The following CCDC178 variants were observed in gnomAD, a reference collection of about 807,000 sequenced individuals.
The protein encoded by CCDC178 is coiled-coil domain containing 178.
Under a neutral mutation model 117.4 loss-of-function variants are expected in CCDC178, and 126 were observed. The ratio of observed to expected loss-of-function variants is 1.07; its 90% CI spans 0.93 to 1.24. The LOEUF is 1.24. Ranked by LOEUF, CCDC178 falls within the 50% of genes most tolerant of loss-of-function variation. The pLI, the probability that CCDC178 is intolerant of heterozygous loss-of-function variation, is 0.00. For synonymous variants in CCDC178, 283 were observed against 313.4 expected, an observed-to-expected ratio of 0.90 and a Z score of 1.02; for missense variants, 1,030 against 986.9, an observed-to-expected ratio of 1.04 and a Z score of -0.59.
At chr18:33,137,713 A>G (rs1295675289) in intron 20 of CCDC178, among the ~76,000 whole-genome samples, 2 of 152,160 alleles carry the variant, frequency 1.3e-5, no homozygotes, top group Non-Finnish European at 2.9e-5. Context: ...AATCAGGTGG[A>G]TTTAGTTTCT....
chr18:33,066,545 G>T (rs1411478554), intron 21 of CCDC178, among the ~76,000 whole-genome samples: 2 of 152,022 alleles, frequency 1.3e-5, no homozygotes, highest in Non-Finnish European at 2.9e-5. Context: ...TCACTTAAAA[G>T]ACATAAACTG....
chr18:33,388,519 A>ATTTTTTTTTTTTTTTTTTTTTTTT (rs71159828), intron 5 of CCDC178, among the ~76,000 whole-genome samples: 4 of 65,266 alleles, frequency 6.1e-5, no homozygotes, highest in African/African-American at 1.9e-4. Flanking sequence ...ACACCACGGA[A>ATTTTTTTTTTTTTTTTTTTTTTTT]TTTTTTTTTT....
At chr18:33,384,434 A>C in intron 5 of CCDC178, among the ~76,000 whole-genome samples, 1 of 152,106 alleles carries the variant, frequency 6.6e-6, no homozygotes, top group East Asian at 1.9e-4. Context: ...GGTCAAAATC[A>C]AGGAAAAAAT....
intron 21 of CCDC178, among the ~76,000 whole-genome samples, chr18:33,087,564 A>ATT (rs1362683785): frequency 3.2e-5 from 4 of 125,716 alleles, no homozygotes; most frequent in African/African-American, 1.4e-4. Flanking sequence ...GGCCAAAGCC[A>ATT]TTTGTGTGTG....
At chr18:32,955,259 A>G (rs1301667939) in intron 22 of CCDC178, among the ~76,000 whole-genome samples, 1 of 152,152 alleles carries the variant, frequency 6.6e-6, no homozygotes, top group East Asian at 1.9e-4. Context: ...ATGCCACACA[A>G]CCATCTGCAA....
intron 20 of CCDC178, among the ~76,000 whole-genome samples, chr18:33,104,846 G>A (rs769733890): frequency 1.3e-4 from 20 of 151,758 alleles, no homozygotes; most frequent in South Asian, 6.2e-4. Flanking sequence ...AAGTTAGTAA[G>A]AGGTATTTTA....
At position 33,223,098 on chromosome 18, in the gene CCDC178, A is replaced by G; in HGVS notation, c.1932+8T>C. On this transcript the variant is annotated splice_region_variant and intron_variant, in intron 18 of 22. Transcript: ENST00000383096. ...ATTCAAAATTAGATTCTGAACTTAA[A>G]TTCTTACCTCAGTTTCTATTAATGC... The G allele has an allele frequency of 6.4e-7, 1 of 1,557,420 alleles. No individual in the cohort carries two copies. The highest frequency in any genetic ancestry group is 1.8e-5 in the Admixed American group (1 of 55,768).
intron 21 of CCDC178, among the ~76,000 whole-genome samples, chr18:33,073,078 C>A (rs2057137995): frequency 6.6e-6 from 1 of 151,878 alleles, no homozygotes; most frequent in South Asian, 2.1e-4. Flanking sequence ...GTGCTCACTT[C>A]TTGTTTCAGG....
chr18:33,232,373 A>G (rs2059377870), intron 15 of CCDC178, among the ~76,000 whole-genome samples: 1 of 152,206 alleles, frequency 6.6e-6, no homozygotes, highest in South Asian at 2.1e-4. Flanking sequence ...AGAATCAAAG[A>G]AATGGCTTCA....
chr18:33,279,771 A>G (rs868425591), intron 12 of CCDC178, among the ~76,000 whole-genome samples: 2 of 152,210 alleles, frequency 1.3e-5, no homozygotes, highest in African/African-American at 4.8e-5. Flanking sequence ...TCAATGGAAC[A>G]GAACAGAGCC....
chr18:33,281,559 T>G (rs904855965), intron 12 of CCDC178, among the ~76,000 whole-genome samples: 7 of 152,110 alleles, frequency 4.6e-5, no homozygotes, highest in Admixed American at 1.3e-4. Flanking sequence ...CCAGTTGCCA[T>G]ACAAGATCCA....
At chr18:33,195,076 C>T (rs1017706628) in intron 20 of CCDC178, among the ~76,000 whole-genome samples, 1 of 146,182 alleles carries the variant, frequency 6.8e-6, no homozygotes, top group South Asian at 2.2e-4. Flanking sequence ...ATGATAGCAC[C>T]ACTGTACTCC....
At chr18:33,092,048 T>C (rs922181466) in intron 21 of CCDC178, among the ~76,000 whole-genome samples, 1 of 152,132 alleles carries the variant, frequency 6.6e-6, no homozygotes, top group African/African-American at 2.4e-5. Context: ...AAGGATCAAT[T>C]TGGTTTTCAT....
chr18:33,059,725 T>C (rs1182363877), intron 21 of CCDC178, among the ~76,000 whole-genome samples: 1 of 152,166 alleles, frequency 6.6e-6, no homozygotes, highest in African/African-American at 2.4e-5. Context: ...AATATTTCAC[T>C]CTATCCTAAG....
At chr18:33,012,481 A>G (rs2055890801) in intron 21 of CCDC178, among the ~76,000 whole-genome samples, 1 of 152,146 alleles carries the variant, frequency 6.6e-6, no homozygotes, top group African/African-American at 2.4e-5. Context: ...TTTCAACTTT[A>G]CCTTAAATAA....
rs1406928816 is a variant in CCDC178, at chr18:33,293,233, TCTC to T, written c.1099_1101del (p.Glu367del). Reference sequence around the variant, plus strand: ...ATTGCTTCAGTCACTTCCTCTTCCTTCTCCTCAATATTAGTATTAACATTTATC... The same window carrying T: ...ATTGCTTCAGTCACTTCCTCTTCCTTCTCAATATTAGTATTAACATTTATC... On this transcript the variant is annotated inframe_deletion, in exon 12 of 23. Coordinates refer to ENST00000383096, the MANE Select transcript of CCDC178 (RefSeq NM_001105528.4). 5 of 1,579,788 alleles carry T rather than the reference TCTC, an allele frequency of 3.2e-6. No individual in the cohort carries two copies. The highest frequency in any genetic ancestry group is 2.2e-5 in the South Asian group (2 of 89,048).
In CCDC178 at chr18:32,941,201, C is replaced by T. The variant is rs541496084; in HGVS notation, c.2524-3110G>A. Reference sequence around the variant, plus strand: ...GACATGCAATTAATGCTCTATGAGCCGTTTGCCGGAAAAGAGTTCAATGGT... The same window carrying T: ...GACATGCAATTAATGCTCTATGAGCTGTTTGCCGGAAAAGAGTTCAATGGT... On this transcript the variant is annotated intron_variant, in intron 22 of 22. Transcript: ENST00000383096. Among the ~76,000 whole-genome samples the T allele has an allele frequency of 1.2e-4, 18 of 151,896 alleles. No individual in the cohort carries two copies. In the East Asian group the frequency reaches 2.9e-3, roughly 24 times the overall value.
upstream of CCDC178, chr18:33,440,892 C>G (rs1483820428): frequency 6.5e-6 from 1 of 152,972 alleles, no homozygotes; most frequent in East Asian, 1.9e-4. Flanking sequence ...CGCCTTCTCC[C>G]AGTGCCTTTC....
intron 21 of CCDC178, among the ~76,000 whole-genome samples, chr18:33,009,458 T>A (rs148703057): frequency 6.6e-6 from 1 of 152,122 alleles, no homozygotes; most frequent in Non-Finnish European, 1.5e-5. Context: ...TTCTTATAGA[T>A]ATGCTTTTAT....
Sources: gnomAD v4.1 joint callset for allele counts (sites outside exome capture counted in the v4.1 genomes callset) on GRCh38, gnomAD v4.1.1 for gene constraint, MANE v1.5 for transcripts, NCBI Gene and HGNC (gene_info 2026-07-23, HGNC 2026-07-21) for gene names.